Variants in RIMS1 observed in about 807,000 individuals in gnomAD.
The protein encoded by RIMS1 is regulating synaptic membrane exocytosis 1.
In RIMS1, 83 loss-of-function variants were observed where a neutral mutation model predicts 214.1. That is an observed-to-expected ratio of 0.39 (90% CI 0.32 to 0.47). The LOEUF (loss-of-function observed/expected upper bound fraction) is 0.47. Among genes scored for constraint, RIMS1 ranks in the 20% least tolerant of loss-of-function variants. The probability of loss-of-function intolerance (pLI) is 0.99; values close to 1 mark genes in which losing one functional copy is unlikely to be tolerated. For missense variants in RIMS1, 2,050 were observed against 2,161.8 expected (o/e 0.95, Z 1.03); for synonymous variants, 793 against 786.8 (o/e 1.01, Z -0.13).
chr6:72,322,651 A>C (rs1744313556), intron 28 of RIMS1, among the ~76,000 whole-genome samples: 1 of 152,132 alleles, frequency 6.6e-6, no homozygotes, highest in African/African-American at 2.4e-5. Context: ...GCAACAAAGC[A>C]GGCAGAAATT....
At chr6:72,261,187 T>A (rs879088256) in intron 19 of RIMS1, 71 of 1,016,922 alleles carry the variant, frequency 7.0e-5, no homozygotes, top group Non-Finnish European at 8.0e-5. Flanking sequence ...TAGCCTTTTT[T>A]AATTTCCTTT....
At chr6:72,400,385 C>A (rs2154460964) in intron 33 of RIMS1, 111 bp from the exon 34 acceptor site, 1 of 818,394 alleles carries the variant, frequency 1.2e-6, no homozygotes, top group Non-Finnish European at 2.1e-6. Context: ...ATTCATTATT[C>A]TTTTCCTCTG....
chr6:71,914,446 A>G (rs1777773876), intron 1 of RIMS1, among the ~76,000 whole-genome samples: 1 of 152,168 alleles, frequency 6.6e-6, no homozygotes. Flanking sequence ...ATTCTAACTA[A>G]CAAAAAGGTT....
intron 4 of RIMS1, among the ~76,000 whole-genome samples, chr6:72,129,266 C>T (rs1413934580): frequency 2.0e-5 from 3 of 152,070 alleles, no homozygotes; most frequent in Middle Eastern, 3.2e-3. Flanking sequence ...TCCATAATTA[C>T]CTCAGCAGCA....
chr6:71,939,711 T>C (rs575834480), intron 1 of RIMS1, among the ~76,000 whole-genome samples: 2 of 152,138 alleles, frequency 1.3e-5, no homozygotes, highest in Non-Finnish European at 1.5e-5. Flanking sequence ...TTATAATTGA[T>C]CTAATTTATT....
intron 4 of RIMS1, among the ~76,000 whole-genome samples, chr6:72,100,644 T>TTTGGTGTAAATTACTATACACCTTCAC (rs2033321705): frequency 6.6e-6 from 1 of 151,948 alleles, no homozygotes; most frequent in African/African-American, 2.4e-5. Context: ...TACACCTTCA[T>TTTGGTGTAAATTACTATACACCTTCAC]TTGGTGTAAA....
intron 1 of RIMS1, among the ~76,000 whole-genome samples, chr6:71,894,548 T>A (rs1473559715): frequency 2.0e-5 from 3 of 152,208 alleles, no homozygotes; most frequent in Non-Finnish European, 2.9e-5. Context: ...TTTCAAATAA[T>A]AGTAGTTATG....
chr6:72,230,392 A>G (rs1312687863), intron 6 of RIMS1, among the ~76,000 whole-genome samples: 1 of 151,676 alleles, frequency 6.6e-6, no homozygotes, highest in Admixed American at 6.6e-5. Context: ...CTACCTGCAC[A>G]TTAGGTACAC....
At chr6:72,343,691 C>T (rs1008429137) in intron 29 of RIMS1, among the ~76,000 whole-genome samples, 1 of 150,692 alleles carries the variant, frequency 6.6e-6, no homozygotes, top group Non-Finnish European at 1.5e-5. Flanking sequence ...TTAAATAATT[C>T]TTTCATTATA....
At chr6:72,085,291 T>C (rs1834377905) in intron 2 of RIMS1, among the ~76,000 whole-genome samples, 1 of 152,162 alleles carries the variant, frequency 6.6e-6, no homozygotes, top group Admixed American at 6.6e-5. Flanking sequence ...CTGGGGTAAA[T>C]TTCTGAATTA....
chr6:72,180,020 C>T (rs2048203827), intron 5 of RIMS1, 105 bp downstream of exon 5: 1 of 710,442 alleles, frequency 1.4e-6, no homozygotes. Context: ...GGAAGTAGTA[C>T]TTCTCAGGCC....
At chr6:72,053,151 T>G (rs1825189049) in intron 2 of RIMS1, among the ~76,000 whole-genome samples, 1 of 152,154 alleles carries the variant, frequency 6.6e-6, no homozygotes, top group Admixed American at 6.6e-5. Context: ...GTCTGACTCC[T>G]CTCTCTAAAG....
At chr6:72,295,785 A>G (rs2094008908) in intron 26 of RIMS1, among the ~76,000 whole-genome samples, 1 of 151,728 alleles carries the variant, frequency 6.6e-6, no homozygotes, top group African/African-American at 2.4e-5. Context: ...TTGGGAACTC[A>G]TGGTTTTTCA....
intron 2 of RIMS1, among the ~76,000 whole-genome samples, chr6:72,063,534 G>A (rs1322991860): frequency 6.6e-6 from 1 of 152,208 alleles, no homozygotes; most frequent in Non-Finnish European, 1.5e-5. Context: ...AGGAACTGGT[G>A]AATGTTGTCC....
At chr6:72,169,540 C>A (rs546149431) in intron 4 of RIMS1, among the ~76,000 whole-genome samples, 1 of 87,130 alleles carries the variant, frequency 1.1e-5, no homozygotes, top group South Asian at 3.9e-4. Context: ...ATTTTAGAAA[C>A]CAAAAATGAG....
chr6:71,945,991 A>C (rs1006329388), intron 1 of RIMS1, among the ~76,000 whole-genome samples: 2 of 152,086 alleles, frequency 1.3e-5, no homozygotes, highest in African/African-American at 4.8e-5. Flanking sequence ...TGAACTGATG[A>C]ATGAATTGAG....
intron 4 of RIMS1, among the ~76,000 whole-genome samples, chr6:72,164,486 G>A (rs560661082): frequency 1.1e-4 from 16 of 152,268 alleles, no homozygotes; most frequent in South Asian, 4.2e-4. Context: ...CATCGCTCAC[G>A]CCTGGAGCTG....
intron 2 of RIMS1, among the ~76,000 whole-genome samples, chr6:72,048,404 G>C (rs1297212861): frequency 6.6e-6 from 1 of 152,130 alleles, no homozygotes; most frequent in Non-Finnish European, 1.5e-5. Flanking sequence ...CCTGAGTCCT[G>C]AGCCAAAAGC....
At chr6:72,065,927 A>C (rs941403985) in intron 2 of RIMS1, among the ~76,000 whole-genome samples, 3 of 147,760 alleles carry the variant, frequency 2.0e-5, no homozygotes, top group Non-Finnish European at 3.0e-5. Context: ...GAGAAGCCGA[A>C]AAAAAAAAAA....
Sources: allele counts gnomAD v4.1 joint callset (sites outside exome capture counted in the v4.1 genomes callset), GRCh38; gene constraint gnomAD v4.1.1; transcripts MANE v1.5; gene names NCBI Gene and HGNC (gene_info 2026-07-23, HGNC 2026-07-21).